CMIP: variants seen among roughly 807,000 people sequenced by gnomAD.
The protein encoded by CMIP is c-Maf inducing protein, also known as C-Maf-inducing protein.
Under a neutral mutation model 97.3 loss-of-function variants are expected in CMIP, and 13 were observed. That is an observed-to-expected ratio of 0.13 (90% CI 0.09 to 0.21). The LOEUF (loss-of-function observed/expected upper bound fraction) is 0.21. Among genes scored for constraint, CMIP ranks in the 10% least tolerant of loss-of-function variants. CMIP has a pLI of 1.00. For missense variants in CMIP, 847 were observed against 1,024.9 expected, an observed-to-expected ratio of 0.83 and a Z score of 2.37; for synonymous variants, 538 against 436.3, an observed-to-expected ratio of 1.23 and a Z score of -2.91.
chr16:81,592,714 GA>G (rs898236420), intron 1 of CMIP, among the ~76,000 whole-genome samples: 3 of 152,148 alleles, frequency 2.0e-5, no homozygotes, highest in African/African-American at 7.2e-5. Flanking sequence ...TGATGGACCC[GA>G]ACCTCCTTTT....
chr16:81,513,102 G>T (rs1185629958), intron 1 of CMIP, among the ~76,000 whole-genome samples: 2 of 152,184 alleles, frequency 1.3e-5, no homozygotes, highest in Non-Finnish European at 2.9e-5. Flanking sequence ...CCCATTTTTG[G>T]CTGGTGGGAG....
At chr16:81,447,931 G>A (rs1175088909) in intron 1 of CMIP, among the ~76,000 whole-genome samples, 2 of 152,214 alleles carry the variant, frequency 1.3e-5, no homozygotes, top group African/African-American at 4.8e-5. Flanking sequence ...CAGGCTCTCG[G>A]GGAAGCAGCG....
intron 1 of CMIP, among the ~76,000 whole-genome samples, chr16:81,521,270 T>C (rs1199134765): frequency 6.6e-6 from 1 of 152,198 alleles, no homozygotes; most frequent in African/African-American, 2.4e-5. Context: ...GAGCGGATGG[T>C]ACTGCACGGT....
intron 1 of CMIP, among the ~76,000 whole-genome samples, chr16:81,571,612 TTAAG>T (rs2091090459): frequency 7.9e-6 from 1 of 126,216 alleles, no homozygotes; most frequent in Non-Finnish European, 1.7e-5. Flanking sequence ...AAAAAAAAAA[TTAAG>T]AAAAGAAAAG....
chr16:81,540,717 G>C (rs1347203472), intron 1 of CMIP, among the ~76,000 whole-genome samples: 1 of 150,750 alleles, frequency 6.6e-6, no homozygotes, highest in African/African-American at 2.4e-5. Flanking sequence ...GTCTCGGTCT[G>C]TTGCCCAAGC....
At chr16:81,545,929 C>T (rs2090538122) in intron 1 of CMIP, among the ~76,000 whole-genome samples, 1 of 152,184 alleles carries the variant, frequency 6.6e-6, no homozygotes, top group Non-Finnish European at 1.5e-5. Context: ...GTCACCCCCT[C>T]ACTGCAGGTA....
At chr16:81,692,218 G>A (rs1487679848) in intron 11 of CMIP, among the ~76,000 whole-genome samples, 1 of 152,212 alleles carries the variant, frequency 6.6e-6, no homozygotes, top group Non-Finnish European at 1.5e-5. Context: ...GAGGGCGATA[G>A]TAAGAATCAA....
At position 81,453,180 on chromosome 16, in the gene CMIP, A is replaced by G. The variant is rs16955367; in HGVS notation, c.300+7639A>G. On this transcript the variant is annotated intron_variant, in intron 1 of 20. Transcript: ENST00000537098. This position sits in a 1 kb window ranked among gnomAD's most constrained non-coding sequence, Gnocchi z 4.0. ...TTCAAACCCAGACTCCTGCCTTCCC[A>G]TGGCATCCTTTGTTCGTGGCTCTAC... 0.038 allele frequency among the ~76,000 whole-genome samples: 5,717 copies of G among 152,210 alleles called. 204 individuals are homozygous for G. Among genetic ancestry groups the G allele is most frequent in the African/African-American group, 0.089 (3,702 of 41,522 alleles).
At chr16:81,569,748 C>T (rs1193748022) in intron 1 of CMIP, among the ~76,000 whole-genome samples, 1 of 152,216 alleles carries the variant, frequency 6.6e-6, no homozygotes, top group African/African-American at 2.4e-5. Context: ...GCTGGCTTAG[C>T]CATAGCTTCA....
chr16:81,493,193 G>C (rs938247680), intron 1 of CMIP, among the ~76,000 whole-genome samples: 1 of 152,120 alleles, frequency 6.6e-6, no homozygotes, highest in Non-Finnish European at 1.5e-5. Flanking sequence ...GACACTTCAG[G>C]GGTGATGGAG....
chr16:81,577,876 C>T (rs1567590201), intron 1 of CMIP, among the ~76,000 whole-genome samples: 1 of 150,512 alleles, frequency 6.6e-6, no homozygotes, highest in Non-Finnish European at 1.5e-5. Flanking sequence ...TCATCATCAC[C>T]ATCATCCCCA....
chr16:81,687,482 C>G (rs1484252761), intron 10 of CMIP, among the ~76,000 whole-genome samples: 1 of 152,178 alleles, frequency 6.6e-6, no homozygotes, highest in African/African-American at 2.4e-5. Context: ...CCAGAGAGAT[C>G]CGGAACCCAG....
At chr16:81,476,218 G>A (rs957511417) in intron 1 of CMIP, 12 of 1,381,946 alleles carry the variant, frequency 8.7e-6, no homozygotes, top group African/African-American at 1.4e-5. Flanking sequence ...TCCAGCATTT[G>A]CCATGGACAA....
intron 1 of CMIP, among the ~76,000 whole-genome samples, chr16:81,510,127 A>C (rs1004981836): frequency 6.6e-6 from 1 of 152,280 alleles, no homozygotes; most frequent in Non-Finnish European, 1.5e-5. Context: ...TTGGGCCTCT[A>C]TCAAGGTATT....
intron 1 of CMIP, among the ~76,000 whole-genome samples, chr16:81,449,550 G>A (rs911853329): frequency 5.3e-5 from 8 of 152,108 alleles, no homozygotes; most frequent in African/African-American, 1.7e-4. Context: ...ACTCATCTGT[G>A]CCCACATGCA....
chr16:81,587,445 G>A (rs1000022046), intron 1 of CMIP, among the ~76,000 whole-genome samples: 9 of 152,184 alleles, frequency 5.9e-5, no homozygotes, highest in South Asian at 2.1e-4. Flanking sequence ...GTGGGGGGCC[G>A]GTTTCACCTC....
At chr16:81,668,928 G>A (rs1296483732) in intron 7 of CMIP, among the ~76,000 whole-genome samples, 1 of 64,702 alleles carries the variant, frequency 1.5e-5, no homozygotes, top group African/African-American at 6.5e-5. Flanking sequence ...TCACACTCAC[G>A]GCCTTCCACA....
chr16:81,701,886 C>G (rs1907455668), intron 16 of CMIP, 86 bp downstream of exon 16: 1 of 1,499,738 alleles, frequency 6.7e-7, no homozygotes, highest in South Asian at 1.1e-5. Context: ...AGTACTTGGA[C>G]CTGAGTGGAC....
intron 1 of CMIP, 87 bp from the exon 2 acceptor site, chr16:81,607,480 C>T (rs750820160): frequency 1.8e-4 from 272 of 1,528,980 alleles, no homozygotes; most frequent in Non-Finnish European, 2.3e-4. Flanking sequence ...GCCAGAGGGG[C>T]GATGTTTCCA....
Sources: allele counts gnomAD v4.1 joint callset (sites outside exome capture counted in the v4.1 genomes callset), GRCh38; gene constraint gnomAD v4.1.1; non-coding constraint Gnocchi (gnomAD v3.1); transcripts MANE v1.5; gene names NCBI Gene and HGNC (gene_info 2026-07-23, HGNC 2026-07-21).